Variants in ZNFX1 observed in about 807,000 individuals in gnomAD.
The protein encoded by ZNFX1 is zinc finger NFX1-type containing 1.
ZNFX1 carries 78 observed loss-of-function variants against 179.8 expected under a neutral mutation model. The observed-to-expected ratio is 0.43, with a 90% CI of 0.36 to 0.52. The LOEUF (loss-of-function observed/expected upper bound fraction) is 0.52. ZNFX1 is among the 20% of genes least tolerant of loss of function. ZNFX1 has a pLI of 0.00. For missense variants in ZNFX1, 1,927 were observed against 2,386.6 expected, an observed-to-expected ratio of 0.81 and a Z score of 4.01; for synonymous variants, 848 against 868.5, an observed-to-expected ratio of 0.98 and a Z score of 0.42.
rs750312602 is a variant in ZNFX1, at chr20:49,270,070, C to A, written c.1742G>T (p.Arg581Ile). The A allele has an allele frequency of 7.4e-6, 12 of 1,614,142 alleles. No homozygotes were observed. The highest frequency in any genetic ancestry group is 8.5e-7 in the Non-Finnish European group (1 of 1,180,050). The part of the protein sequence containing the change: ...LRNVEGLRHP[R>I]INVLDPGQWP... ...CTGGCCAGGATCTAAGACATTAATT[C>A]TGGGATGTCTCAAACCCTCGACATT... Residue 581 changes from arginine (R) to isoleucine (I), a missense_variant, in exon 3 of 14, where the codon AGA (arginine) becomes ATA (isoleucine). Transcript: ENST00000396105. This position sits in a 1 kb window ranked among gnomAD's most constrained non-coding sequence, Gnocchi z 4.6.
chr20:49,263,811 G>A (rs930509899), intron 5 of ZNFX1, among the ~76,000 whole-genome samples: 2 of 152,182 alleles, frequency 1.3e-5, no homozygotes, highest in African/African-American at 4.8e-5. Context: ...TTAGCCAGGC[G>A]TGGTGGCAGG....
Position 49,255,778 on chromosome 20 carries a change from C to A in ZNFX1, c.2804+30G>T, listed in dbSNP as rs1185289178. ...CTAGGAACAGAAGAGGAACTCCCTA[C>A]ATGGGTTGGCTAGATGTGGAACACA... On this transcript the variant is annotated intron_variant, in intron 9 of 13. Transcript: ENST00000396105. 1.9e-6 allele frequency: 3 copies of A among 1,589,152 alleles called. No individual in the cohort carries two copies. In the South Asian group the frequency reaches 3.4e-5, roughly 18 times the overall value.
rs919872989 is a variant in ZNFX1, at chr20:49,275,864, C to T, written c.-25G>A. The T allele has an allele frequency of 7.4e-6, 12 of 1,613,254 alleles. No homozygotes were observed. The highest frequency in any genetic ancestry group is 2.7e-5 in the African/African-American group (2 of 74,896). The stretch of plus-strand genomic sequence containing the variant: ...TGTCTGAGTCACCTGAATTCCTTCA[C>T]GTTACTTTCTGTTATCTGGAAAACT... On this transcript the variant is annotated 5_prime_UTR_variant, in exon 2 of 14. The change creates a new upstream start codon in the 5' untranslated region. Transcript: ENST00000396105.
chr20:49,261,568 G>C (rs1981111318), intron 6 of ZNFX1, among the ~76,000 whole-genome samples: 1 of 152,136 alleles, frequency 6.6e-6, no homozygotes, highest in Non-Finnish European at 1.5e-5. Flanking sequence ...AGGATGGGAG[G>C]AGGGAGAGGA....
intron 7 of ZNFX1, among the ~76,000 whole-genome samples, chr20:49,258,687 T>C (rs1046355161): frequency 1.3e-5 from 2 of 151,494 alleles, no homozygotes; most frequent in African/African-American, 2.4e-5. Flanking sequence ...ATGCCTGTAT[T>C]TCTAGCTACC....
intron 2 of ZNFX1, 81 bp downstream of exon 2, chr20:49,275,698 G>A (rs1236020800): frequency 1.5e-6 from 2 of 1,308,762 alleles, no homozygotes; most frequent in East Asian, 2.3e-5. Flanking sequence ...ATCTTAGGTA[G>A]GCCTGCTCAT....
Position 49,249,148 on chromosome 20 carries a change from G to T in ZNFX1, c.3876C>A (p.Cys1292Ter). Residue 1292 changes from cysteine to a stop codon, truncating the protein, a stop_gained, in exon 14 of 14, where the codon TGC (cysteine) becomes TGA (stop). Coordinates refer to ENST00000396105, the MANE Select transcript of ZNFX1 (RefSeq NM_021035.3). LOFTEE classifies it high-confidence loss of function. Reference protein sequence around the residue: ...KVPEGGCSLPCEFRLGCGHVC... With the variant: ...KVPEGGCSLP The stretch of plus-strand genomic sequence containing the variant: ...CATGCCCACAGCCCAGGCGGAACTC[G>T]CAGGGCAGGCTGCAGCCTCCTTCGG... The T allele has an allele frequency of 6.2e-7, 1 of 1,614,210 alleles. No individual in the cohort carries two copies. The highest frequency in any genetic ancestry group is 8.5e-7 in the Non-Finnish European group (1 of 1,180,030).
At chr20:49,266,367 G>A in intron 3 of ZNFX1, 101 bp from the exon 4 acceptor site, 1 of 1,132,800 alleles carries the variant, frequency 8.8e-7, no homozygotes. Context: ...AATACATTAA[G>A]ATAGTTTAAA....
Position 49,255,790 on chromosome 20 carries a change from A to G in ZNFX1, c.2804+18T>C, listed in dbSNP as rs238220. The G allele has an allele frequency of 0.74, 1,189,212 of 1,596,908 alleles. 447,367 individuals are homozygous for G. The highest frequency in any genetic ancestry group is 0.77 in the Non-Finnish European group (906,900 of 1,170,336). ...GAGGAACTCCCTACATGGGTTGGCT[A>G]GATGTGGAACACAGTACCTATAAAG... On this transcript the variant is annotated intron_variant, in intron 9 of 13. Transcript: ENST00000396105.
At position 49,247,841 on chromosome 20, in the gene ZNFX1, T is replaced by A. The variant is rs746656483; in HGVS notation, c.5183A>T (p.Lys1728Ile). Residue 1728 changes from lysine (K) to isoleucine (I), a missense_variant, in exon 14 of 14, where the codon AAA becomes ATA. Transcript: ENST00000396105. The part of the protein sequence containing the change: ...SLKKMHVLEE[K>I]RVRTRLEQVH... ...CTGTTCTAGTCGAGTCCTCACTCTTTTCTCTTCTAAGACATGCATCTTTTT... is the reference window on the plus strand; with the variant it reads ...CTGTTCTAGTCGAGTCCTCACTCTTATCTCTTCTAAGACATGCATCTTTTT... The A allele has an allele frequency of 6.2e-7, 1 of 1,614,156 alleles. No homozygotes were observed. Among genetic ancestry groups the A allele is most frequent in the South Asian group, 1.1e-5 (1 of 91,084 alleles).
Position 49,246,786 on chromosome 20 carries a change from A to G in ZNFX1, c.*481T>C, listed in dbSNP as rs1980682288. ...TCTCAGTTCTGGAGATAAAGTGCTTACTCTAGCGCAGGGGTAAATCTAGAA... is the reference window on the plus strand; with the variant it reads ...TCTCAGTTCTGGAGATAAAGTGCTTGCTCTAGCGCAGGGGTAAATCTAGAA... On this transcript the variant is annotated 3_prime_UTR_variant, in exon 14 of 14. Coordinates refer to ENST00000396105, the MANE Select transcript of ZNFX1 (RefSeq NM_021035.3). The G allele has an allele frequency of 4.5e-6, 2 of 446,570 alleles. No individual in the cohort carries two copies. The highest frequency in any genetic ancestry group is 7.0e-5 in the East Asian group (1 of 14,296). The allele number at this position is 446,570 out of a possible 1,614,324, so 27.7% of individuals were successfully genotyped here. A position where few individuals can be genotyped will look rare whatever the true frequency, so the allele number is the denominator to read the frequency against.
rs1217201244 is a variant in ZNFX1, at chr20:49,249,493, A to C, written c.3531T>G (p.Ala1177=). 6.2e-7 allele frequency: 1 copy of C among 1,614,256 alleles called. No homozygotes were observed. The highest frequency in any genetic ancestry group is 1.3e-5 in the African/African-American group (1 of 75,074). ...TGTCCACAACATGGACCCTGACGCC[A>C]GCAAATGTCTTGGCAGGCATCAGTT... ...LRKLMPAKTF[A]GVRVHVVDKY... Residue 1177 remains alanine, a synonymous_variant, in exon 14 of 14, where the codon GCT becomes GCG. Coordinates refer to ENST00000396105, the MANE Select transcript of ZNFX1 (RefSeq NM_021035.3).
chr20:49,270,570 G>C lies in ZNFX1; in HGVS notation c.1242C>G (p.Thr414=), dbSNP rs770103668. The C allele has an allele frequency of 2.5e-6, 4 of 1,614,074 alleles. No homozygotes were observed. The South Asian group carries it at 4.4e-5, about 18-fold the overall frequency. ...KFDDIRIYFD[T]RIITPMCSSS... is the part of the protein sequence containing the mutation. Reference sequence around the variant, plus strand: ...ATGAACACATGGGGGTGATAATCCTGGTGTCAAAGTAGATTCGGATGTCAT... The same window carrying C: ...ATGAACACATGGGGGTGATAATCCTCGTGTCAAAGTAGATTCGGATGTCAT... The change falls in exon 3 of 14, where the codon ACC becomes ACG. Residue 414 remains threonine (T), a synonymous_variant. Coordinates refer to ENST00000396105, the MANE Select transcript of ZNFX1 (RefSeq NM_021035.3). The surrounding 1 kb of genome is among the most constrained non-coding windows in gnomAD (Gnocchi z 4.6).
At chr20:49,274,894 A>G (rs1207286073) in intron 2 of ZNFX1, among the ~76,000 whole-genome samples, 1 of 152,126 alleles carries the variant, frequency 6.6e-6, no homozygotes, top group African/African-American at 2.4e-5. Flanking sequence ...AGGCCGAGGC[A>G]GGCGGATCAC....
Position 49,270,769 on chromosome 20 carries a change from T to C in ZNFX1, c.1043A>G (p.Asp348Gly). 1 of 1,614,158 alleles carries C rather than the reference T, an allele frequency of 6.2e-7. No homozygotes were observed. The change falls in exon 3 of 14, where the codon GAT becomes GGT. Residue 348 changes from aspartate (D) to glycine (G), a missense_variant. Physicochemically the swap from Asp to Gly is moderately conservative, Grantham distance 94. Coordinates refer to ENST00000396105, the MANE Select transcript of ZNFX1 (RefSeq NM_021035.3). This position sits in a 1 kb window ranked among gnomAD's most constrained non-coding sequence, Gnocchi z 4.6. ...ATTGGGGCGAAGGAAGGGCCTCTCA[T>C]CCAAGTGCACTTCATTGTAGGTAGG... is the stretch of plus-strand genomic sequence containing the variant. ...IYPTYNEVHL[D>G]ERPFLRPNII...
In ZNFX1 at chr20:49,254,731, A is replaced by T. The variant is rs771046724; in HGVS notation, c.2805-82T>A. 943 of 1,447,200 alleles carry T rather than the reference A, an allele frequency of 6.5e-4. 1 individual carries two copies. Among genetic ancestry groups the T allele is most frequent in the Middle Eastern group, 9.9e-4 (4 of 4,048 alleles). 89.6% of individuals were successfully genotyped at this position (1,447,200 alleles called of 1,614,324 possible). A position where few individuals can be genotyped will look rare whatever the true frequency, so the allele number is the denominator to read the frequency against. ...GAACGCCCTTCAGTGTGCCCAGTGTATGAAGTGAACCTTGGACCCTTGGAG... is the reference window on the plus strand; with the variant it reads ...GAACGCCCTTCAGTGTGCCCAGTGTTTGAAGTGAACCTTGGACCCTTGGAG... On this transcript the variant is annotated intron_variant, in intron 9 of 13. Transcript: ENST00000396105.
In ZNFX1 at chr20:49,255,609, C is replaced by T. The variant is rs1238730237; in HGVS notation, c.2804+199G>A. 2.0e-5 allele frequency among the ~76,000 whole-genome samples: 3 copies of T among 152,186 alleles called. No individual in the cohort carries two copies. The East Asian group carries it at 5.8e-4, about 29-fold the overall frequency. ...CACGAAGGTAATAATTAATTTGTTA[C>T]CCTGGATAGACTCTATAAGCTCCAT... On this transcript the variant is annotated intron_variant, in intron 9 of 13. Transcript: ENST00000396105.
At chr20:49,261,890 C>T (rs1223274041) in intron 6 of ZNFX1, among the ~76,000 whole-genome samples, 1 of 151,632 alleles carries the variant, frequency 6.6e-6, no homozygotes, top group Non-Finnish European at 1.5e-5. Context: ...TCGTGATCCG[C>T]CTGCCTCGGC....
intron 7 of ZNFX1, 103 bp from the exon 8 acceptor site, chr20:49,257,767 T>C: frequency 6.9e-7 from 1 of 1,448,956 alleles, no homozygotes. Context: ...GGTGGTGCGA[T>C]CTTGGCTCAT....
Sources: gnomAD v4.1 joint callset for allele counts (sites outside exome capture counted in the v4.1 genomes callset) on GRCh38, gnomAD v4.1.1 for gene constraint, Gnocchi (gnomAD v3.1) non-coding constraint, MANE v1.5 for transcripts, NCBI Gene and HGNC (gene_info 2026-07-23, HGNC 2026-07-21) for gene names.